DOCK2: variants seen among roughly 807,000 people sequenced by gnomAD.
DOCK2 encodes dedicator of cytokinesis 2.
In DOCK2, 87 loss-of-function variants were observed where a neutral mutation model predicts 248.9. That is an observed-to-expected ratio of 0.35 (90% CI 0.29 to 0.42). DOCK2 has a LOEUF of 0.42. Among genes scored for constraint, DOCK2 ranks in the 10% least tolerant of loss-of-function variants. The pLI is 1.00. For synonymous variants in DOCK2, 805 were observed against 821.6 expected (o/e 0.98, Z 0.35); for missense variants, 1,747 against 2,300.2 (o/e 0.76, Z 4.92).
At chr5:169,982,604 C>T (rs934500867) in intron 27 of DOCK2, among the ~76,000 whole-genome samples, 1 of 152,148 alleles carries the variant, frequency 6.6e-6, no homozygotes, top group Non-Finnish European at 1.5e-5. Context: ...GTGGCAGGCC[C>T]CAGGAGGTGC....
At chr5:169,818,133 C>G (rs1768183706) in intron 26 of DOCK2, among the ~76,000 whole-genome samples, 1 of 152,146 alleles carries the variant, frequency 6.6e-6, no homozygotes, top group Admixed American at 6.5e-5. Flanking sequence ...CATGCGTAAC[C>G]CATAATGTTT....
intron 27 of DOCK2, among the ~76,000 whole-genome samples, chr5:169,918,012 G>A (rs564660221): frequency 6.6e-6 from 1 of 152,312 alleles, no homozygotes; most frequent in South Asian, 2.1e-4. Flanking sequence ...CTGCCTTTCA[G>A]CAAGGAAAGG....
Position 169,676,551 on chromosome 5 carries a change from C to T in DOCK2, c.470+2106C>T, listed in dbSNP as rs76667060. Among the ~76,000 whole-genome samples the T allele has an allele frequency of 3.7e-3, 561 of 152,250 alleles. 15 individuals are homozygous for T. The East Asian group carries it at 0.075, about 20-fold the overall frequency. On this transcript the variant is annotated intron_variant, in intron 6 of 51. Coordinates refer to ENST00000520908, the MANE Select transcript of DOCK2 (RefSeq NM_004946.3). ...CTTATTCACCTGACTGCTTCAGCTG[C>T]AAGCGAGAGAGTTGGGCAACTTATC...
intron 27 of DOCK2, among the ~76,000 whole-genome samples, chr5:169,855,385 C>T (rs1581293033): frequency 6.6e-6 from 1 of 152,172 alleles, no homozygotes; most frequent in East Asian, 1.9e-4. Context: ...TATGTAGCAG[C>T]CTCTGACTTT....
At chr5:169,876,099 C>T (rs183883136) in intron 27 of DOCK2, among the ~76,000 whole-genome samples, 171 of 152,282 alleles carry the variant, frequency 1.1e-3, no homozygotes, top group African/African-American at 3.8e-3. Flanking sequence ...CTTGTGACCA[C>T]GGCACTCTGA....
At chr5:169,965,622 A>T (rs987608066) in intron 27 of DOCK2, among the ~76,000 whole-genome samples, 4 of 152,132 alleles carry the variant, frequency 2.6e-5, no homozygotes, top group Non-Finnish European at 4.4e-5. Flanking sequence ...GGTGGCAGGT[A>T]ATTCTAATGT....
chr5:169,986,133 C>T (rs1295740328), intron 29 of DOCK2, among the ~76,000 whole-genome samples: 1 of 152,210 alleles, frequency 6.6e-6, no homozygotes, highest in Non-Finnish European at 1.5e-5. Flanking sequence ...TTTTTCAAAT[C>T]CCAGTTAGAA....
At position 169,996,182 on chromosome 5, in the gene DOCK2, G is replaced by C. The variant is rs749174119; in HGVS notation, c.3072+18G>C. ...AGTTCCAGGTGAGTATAAGCCACCA[G>C]AGCTACCCTTGGAGCTGCCCAGGGC... On this transcript the variant is annotated intron_variant, in intron 30 of 51. Coordinates refer to ENST00000520908, the MANE Select transcript of DOCK2 (RefSeq NM_004946.3). 2 of 1,612,678 alleles carry C rather than the reference G, an allele frequency of 1.2e-6. No homozygotes were observed. Among genetic ancestry groups the C allele is most frequent in the Non-Finnish European group, 1.7e-6 (2 of 1,179,412 alleles).
intron 44 of DOCK2, among the ~76,000 whole-genome samples, chr5:170,062,128 T>TGTGTGTGAGAGA (rs778077276): frequency 7.3e-6 from 1 of 137,836 alleles, no homozygotes; most frequent in African/African-American, 2.9e-5. Flanking sequence ...TGTGTGTGTG[T>TGTGTGTGAGAGA]GAGAGAGAGA....
chr5:169,922,232 T>C (rs1775215403), intron 27 of DOCK2, among the ~76,000 whole-genome samples: 1 of 152,182 alleles, frequency 6.6e-6, no homozygotes, highest in Admixed American at 6.5e-5. Flanking sequence ...CCTAAAGGTA[T>C]TTATTGCTTC....
intron 34 of DOCK2, among the ~76,000 whole-genome samples, chr5:170,028,240 A>G (rs1170318582): frequency 3.9e-5 from 6 of 152,162 alleles, no homozygotes; most frequent in African/African-American, 1.4e-4. Context: ...GTGGAATGTG[A>G]TTGCTATTTT....
chr5:169,834,619 T>C (rs1369307123), intron 26 of DOCK2, among the ~76,000 whole-genome samples: 1 of 128,110 alleles, frequency 7.8e-6, no homozygotes, highest in Non-Finnish European at 1.6e-5. Flanking sequence ...CAGCTAAATG[T>C]CCCAACCAGA....
At chr5:170,073,944 C>T (rs1757759703) in intron 46 of DOCK2, among the ~76,000 whole-genome samples, 1 of 151,900 alleles carries the variant, frequency 6.6e-6, no homozygotes. Flanking sequence ...TATTCGTGTC[C>T]ACTCTCACCT....
rs1430084315 is a variant in DOCK2 at position 169,764,871 on chromosome 5, G to GTTGTTT, written c.2554+3248_2554+3249insGTTTTT. ...TGTTGTTGTTGTTGTTGTTGTTGTTGTTTTCAATTTTTATTGCCCTAGAAT... is the reference window on the plus strand; with the variant it reads ...TGTTGTTGTTGTTGTTGTTGTTGTTGTTGTTTTTTTCAATTTTTATTGCCCTAGAAT... On this transcript the variant is annotated intron_variant, in intron 25 of 51. Transcript: ENST00000520908. The surrounding 1 kb of genome is among the most constrained non-coding windows in gnomAD (Gnocchi z 4.3). Among the ~76,000 whole-genome samples the GTTGTTT allele has an allele frequency of 6.6e-6, 1 of 151,560 alleles. No individual in the cohort carries two copies. The highest frequency in any genetic ancestry group is 1.5e-5 in the Non-Finnish European group (1 of 67,994).
chr5:169,986,028 T>A, intron 29 of DOCK2, 106 bp downstream of exon 29: 2 of 1,080,670 alleles, frequency 1.9e-6, no homozygotes, highest in Non-Finnish European at 2.7e-6. Context: ...GAAAAGAAAT[T>A]AAAGTGTTAA....
intron 26 of DOCK2, among the ~76,000 whole-genome samples, chr5:169,807,802 C>G (rs1266908554): frequency 8.3e-6 from 1 of 121,096 alleles, no homozygotes; most frequent in Non-Finnish European, 1.7e-5. Flanking sequence ...GCACTGCAAT[C>G]CAGCCTGGGA....
intron 27 of DOCK2, among the ~76,000 whole-genome samples, chr5:169,915,167 A>G (rs1016390913): frequency 1.3e-5 from 2 of 152,240 alleles, no homozygotes; most frequent in Non-Finnish European, 2.9e-5. Context: ...CTAGAAAATC[A>G]GAAGTTGTCT....
At chr5:169,838,898 G>A (rs1387024939) in intron 26 of DOCK2, among the ~76,000 whole-genome samples, 1 of 152,150 alleles carries the variant, frequency 6.6e-6, no homozygotes, top group Non-Finnish European at 1.5e-5. Flanking sequence ...AGTCATTGGG[G>A]CAGGGGGAGG....
intron 26 of DOCK2, among the ~76,000 whole-genome samples, chr5:169,809,699 G>C (rs1037959992): frequency 3.9e-5 from 6 of 152,178 alleles, no homozygotes; most frequent in African/African-American, 1.4e-4. Context: ...CAGAGTTTAC[G>C]CTTTCAGCTT....
Sources: gnomAD v4.1 joint callset for allele counts (sites outside exome capture counted in the v4.1 genomes callset) on GRCh38, gnomAD v4.1.1 for gene constraint, Gnocchi (gnomAD v3.1) non-coding constraint, MANE v1.5 for transcripts, NCBI Gene and HGNC (gene_info 2026-07-23, HGNC 2026-07-21) for gene names.